RASEF: variants seen among roughly 807,000 people sequenced by gnomAD.
RASEF encodes RAS and EF-hand domain containing.
Under a neutral mutation model 90.1 loss-of-function variants are expected in RASEF, and 68 were observed. The observed-to-expected ratio is 0.75, with a 90% CI of 0.62 to 0.92. The LOEUF is 0.92. Among genes scored for constraint, RASEF ranks in the 40% least tolerant of loss-of-function variants. The pLI is 0.00. For synonymous variants in RASEF, 331 were observed against 345.2 expected, an observed-to-expected ratio of 0.96 and a Z score of 0.46; for missense variants, 949 against 937.2, an observed-to-expected ratio of 1.01 and a Z score of -0.16.
the RASEF span, among the ~76,000 whole-genome samples, chr9:83,215,818 T>C: frequency 6.6e-6 from 1 of 152,076 alleles, no homozygotes; most frequent in African/African-American, 2.4e-5. Context: ...CCTAGAGACT[T>C]CTAGGGCTCA....
the RASEF span, among the ~76,000 whole-genome samples, chr9:83,074,273 A>G: frequency 6.6e-5 from 10 of 152,236 alleles, no homozygotes; most frequent in African/African-American, 2.4e-4. Context: ...CCTGGATTCT[A>G]AGCATGATAA....
the RASEF span, among the ~76,000 whole-genome samples, chr9:83,090,227 T>G: frequency 1.3e-5 from 2 of 152,322 alleles, no homozygotes; most frequent in South Asian, 4.1e-4. Flanking sequence ...CTCTATTTCA[T>G]GAGACATTAT....
At chr9:83,015,632 A>T (rs1829329942) in intron 4 of RASEF, among the ~76,000 whole-genome samples, 173 bp downstream of exon 4, 1 of 152,214 alleles carries the variant, frequency 6.6e-6, no homozygotes, top group African/African-American at 2.4e-5. Flanking sequence ...GTGAGCCAAG[A>T]TCTTGCCACT....
At position 83,025,762 on chromosome 9, in the gene RASEF, A is replaced by G; in HGVS notation, c.578+13T>C. 2 of 1,612,068 alleles carry G rather than the reference A, an allele frequency of 1.2e-6. No homozygotes were observed. Among genetic ancestry groups the G allele is most frequent in the East Asian group, 2.2e-5 (1 of 44,844 alleles). ...GCACCCACAGGCCACTTATAAAGGA[A>G]GGACTTCAATACCTCTTCACCGCAA... On this transcript the variant is annotated intron_variant, in intron 2 of 16. Coordinates refer to ENST00000376447, the MANE Select transcript of RASEF (RefSeq NM_152573.4).
chr9:83,092,661 T>C, the RASEF span, among the ~76,000 whole-genome samples: 936 of 152,274 alleles, frequency 6.1e-3, 16 homozygotes, highest in African/African-American at 0.021. Context: ...AAGCTTCCAC[T>C]GTGTGGAAGG....
chr9:83,211,885 C>T, the RASEF span, among the ~76,000 whole-genome samples: 2 of 152,222 alleles, frequency 1.3e-5, no homozygotes, highest in South Asian at 4.1e-4. Flanking sequence ...AGCGCTCTTT[C>T]CACAGCTTTC....
the RASEF span, among the ~76,000 whole-genome samples, chr9:83,210,868 C>T: frequency 2.0e-5 from 3 of 152,196 alleles, no homozygotes; most frequent in Non-Finnish European, 2.9e-5. Context: ...CCCAGACAAA[C>T]GAAGCTGGTC....
chr9:83,021,950 G>A (rs769474334), intron 3 of RASEF, among the ~76,000 whole-genome samples: 1 of 151,962 alleles, frequency 6.6e-6, no homozygotes, highest in Non-Finnish European at 1.5e-5. Flanking sequence ...AGCAGGTGTG[G>A]GCAGACACAG....
At chr9:82,993,077 C>T (rs771826938) in intron 14 of RASEF, 52 bp from the exon 15 acceptor site, 40 of 1,588,344 alleles carry the variant, frequency 2.5e-5, no homozygotes, top group African/African-American at 6.8e-5. Context: ...GGACACATTA[C>T]GATGACCACA....
intron 13 of RASEF, among the ~76,000 whole-genome samples, chr9:82,997,694 T>C (rs1828947268): frequency 6.6e-6 from 1 of 152,138 alleles, no homozygotes; most frequent in Non-Finnish European, 1.5e-5. Context: ...TTAAATACAG[T>C]CATGTCAACC....
chr9:83,005,412 A>G lies in RASEF; in HGVS notation c.1113+4T>C, dbSNP rs771391004. Reference sequence around the variant, plus strand: ...GAAATACATGGTAAAACTATGTGGCATACCAAAGATCTGTTGAACTTGCTA... The same window carrying G: ...GAAATACATGGTAAAACTATGTGGCGTACCAAAGATCTGTTGAACTTGCTA... On this transcript the variant is annotated splice_donor_region_variant and intron_variant, in intron 8 of 16. Transcript: ENST00000376447. 8.1e-6 allele frequency: 13 copies of G among 1,598,580 alleles called. No individual in the cohort carries two copies. Among genetic ancestry groups the G allele is most frequent in the Middle Eastern group, 1.7e-4 (1 of 6,032 alleles).
intron 2 of RASEF, among the ~76,000 whole-genome samples, chr9:83,024,315 A>C (rs1271040193): frequency 6.6e-6 from 1 of 151,960 alleles, no homozygotes; most frequent in African/African-American, 2.4e-5. Flanking sequence ...TAATGAGAAC[A>C]TCAAGCATGC....
rs114932217 is a variant in RASEF at position 83,049,404 on chromosome 9, A to T, written c.431+13033T>A. ...ACATGGCTATCTTGAACACATTTCT[A>T]TGATCAAAAGCCCATTCTCCCATCA... On this transcript the variant is annotated intron_variant, in intron 1 of 16. Coordinates refer to ENST00000376447, the MANE Select transcript of RASEF (RefSeq NM_152573.4). The T allele has an allele frequency of 3.3e-3, 2,860 of 879,424 alleles. 65 individuals carry two copies. In the African/African-American group the frequency reaches 0.048, roughly 15 times the overall value. 54.5% of individuals were successfully genotyped at this position (879,424 alleles called of 1,614,324 possible).
chr9:83,158,722 G>GTATATATTTATGTACATATACATATATT, the RASEF span, among the ~76,000 whole-genome samples: 1 of 140,934 alleles, frequency 7.1e-6, no homozygotes, highest in Non-Finnish European at 1.5e-5. Flanking sequence ...ATACATATAT[G>GTATATATTTATGTACATATACATATATT]TATATATTTA....
At chr9:83,102,053 G>GA in the RASEF span, among the ~76,000 whole-genome samples, 7,966 of 147,940 alleles carry the variant, frequency 0.054, 234 homozygotes, top group South Asian at 0.099. Flanking sequence ...CACAAAATGT[G>GA]AAAAAAAAAA....
the RASEF span, among the ~76,000 whole-genome samples, chr9:83,196,493 G>A: frequency 6.6e-6 from 1 of 152,194 alleles, no homozygotes; most frequent in Admixed American, 6.5e-5. Flanking sequence ...GTGGGAGACA[G>A]GGCAAAAAGG....
At chr9:83,208,851 A>G in the RASEF span, among the ~76,000 whole-genome samples, 2 of 152,302 alleles carry the variant, frequency 1.3e-5, no homozygotes, top group African/African-American at 4.8e-5. Context: ...GATCTCAGAT[A>G]ACCCTTTTTC....
chr9:83,153,983 C>T, the RASEF span, among the ~76,000 whole-genome samples: 76 of 152,312 alleles, frequency 5.0e-4, no homozygotes, highest in East Asian at 0.012. Context: ...GAATGCATAG[C>T]GTATAGCGTC....
At position 82,999,984 on chromosome 9, in the gene RASEF, GACACACACACACACACACAC is replaced by G. The variant is rs55873985; in HGVS notation, c.1723+165_1723+184del. Among the ~76,000 whole-genome samples, 1,301 of 141,084 alleles carry G rather than the reference GACACACACACACACACACAC, an allele frequency of 9.2e-3. 10 individuals are homozygous for G. The highest frequency in any genetic ancestry group is 0.027 in the African/African-American group (1,004 of 37,764). 92.6% of individuals were successfully genotyped at this position (141,084 alleles called of 152,430 possible). ...AGAAAGACCTTTCCATAGACTAGGA[GACACACACACACACACACAC>G]ACACACACACACACACACACACACA... On this transcript the variant is annotated intron_variant, in intron 12 of 16. Coordinates refer to ENST00000376447, the MANE Select transcript of RASEF (RefSeq NM_152573.4).
Sources: allele counts gnomAD v4.1 joint callset (sites outside exome capture counted in the v4.1 genomes callset), GRCh38; gene constraint gnomAD v4.1.1; transcripts MANE v1.5; gene names NCBI Gene and HGNC (gene_info 2026-07-23, HGNC 2026-07-21).